The following RARB variants were observed in gnomAD, a reference collection of about 807,000 sequenced individuals.
RARB encodes HBV-activated protein.
In RARB, 17 loss-of-function variants were observed where a neutral mutation model predicts 51.9. That is an observed-to-expected ratio of 0.33 (90% confidence interval 0.22 to 0.49). The LOEUF (loss-of-function observed/expected upper bound fraction) is 0.49. Among genes scored for constraint, RARB ranks in the 20% least tolerant of loss-of-function variants. RARB has a pLI of 0.99. For missense variants in RARB, 369 were observed against 550.8 expected, an observed-to-expected ratio of 0.67 and a Z score of 3.30; for synonymous variants, 215 against 195.4, an observed-to-expected ratio of 1.10 and a Z score of -0.84.
chr3:25,392,545 T>C (rs1484755795), intron 5 of RARB, among the ~76,000 whole-genome samples: 3 of 152,198 alleles, frequency 2.0e-5, no homozygotes, highest in Admixed American at 6.6e-5. Flanking sequence ...TTCCATTTGT[T>C]TGTGTTGTCT....
At chr3:25,323,505 C>T (rs914780487) in intron 5 of RARB, among the ~76,000 whole-genome samples, 4 of 152,132 alleles carry the variant, frequency 2.6e-5, no homozygotes, top group African/African-American at 9.7e-5. Context: ...AGTTTAAATT[C>T]CCAAGGATTT....
Position 25,174,540 on chromosome 3 carries a change from C to G in RARB, c.143C>G (p.Pro48Arg), listed in dbSNP as rs767064867. ...CCCCTCCATGGCCTTCATGGACATC[C>G]GCCTCCGAGTGGATGCAGCACCCCG... is the stretch of plus-strand genomic sequence containing the variant. The change falls in exon 5 of 12, where the codon CCG (proline) becomes CGG (arginine). Residue 48 changes from proline (P) to arginine (R), a missense_variant. Coordinates refer to the RARB transcript ENST00000383772. 3 of 1,351,994 alleles carry G rather than the reference C, an allele frequency of 2.2e-6. No homozygotes were observed. In the African/African-American group the frequency reaches 4.4e-5, roughly 20 times the overall value. 83.7% of individuals were successfully genotyped at this position (1,351,994 alleles called of 1,614,324 possible).
intron 3 of RARB, among the ~76,000 whole-genome samples, chr3:25,066,132 T>G (rs576584044): frequency 6.6e-6 from 1 of 152,316 alleles, no homozygotes; most frequent in African/African-American, 2.4e-5. Context: ...CCCTTTCATT[T>G]TAATGTGAGA....
intron 5 of RARB, among the ~76,000 whole-genome samples, chr3:25,266,728 A>AC (rs1328524531): frequency 5.3e-5 from 8 of 152,200 alleles, no homozygotes; most frequent in African/African-American, 1.9e-4. Flanking sequence ...CTGGAGACTT[A>AC]TCTGATAGAA....
rs9854321 is a variant in RARB at position 24,913,196 on chromosome 3, C to T, written c.-380+54444C>T. ...AGACGGGGTTTCACTGTGTTAGCCA[C>T]GATGGTCTCGATCTCCTGACCTCCT... On this transcript the variant is annotated intron_variant, in intron 2 of 11. Coordinates refer to the RARB transcript ENST00000383772. 2.2e-3 allele frequency among the ~76,000 whole-genome samples: 340 copies of T among 151,304 alleles called. 5 individuals are homozygous for T. The highest frequency in any genetic ancestry group is 1.3e-3 in the Non-Finnish European group (90 of 67,796).
chr3:25,488,154 C>A (rs1409636974), intron 2 of RARB, among the ~76,000 whole-genome samples: 3 of 152,228 alleles, frequency 2.0e-5, no homozygotes, highest in Non-Finnish European at 4.4e-5. Flanking sequence ...TGGTTCAGAT[C>A]TTTGGTGGTT....
chr3:25,069,178 AG>A (rs1320032920), intron 3 of RARB, among the ~76,000 whole-genome samples: 1 of 152,180 alleles, frequency 6.6e-6, no homozygotes, highest in Non-Finnish European at 1.5e-5. Context: ...GAAGAAAGCA[AG>A]CAATTAGGCT....
chr3:25,290,418 T>G (rs1342198158), intron 5 of RARB, among the ~76,000 whole-genome samples: 2 of 152,122 alleles, frequency 1.3e-5, no homozygotes, highest in Non-Finnish European at 2.9e-5. Context: ...GATTTCACAC[T>G]GCTAGCCTCC....
chr3:25,305,094 T>A (rs1374781097), intron 5 of RARB, among the ~76,000 whole-genome samples: 8 of 152,148 alleles, frequency 5.3e-5, no homozygotes, highest in African/African-American at 1.9e-4. Context: ...GAGCCCATCC[T>A]CTACACCACT....
At chr3:25,140,743 T>C (rs766780697) in intron 4 of RARB, among the ~76,000 whole-genome samples, 18 of 152,090 alleles carry the variant, frequency 1.2e-4, no homozygotes, top group Non-Finnish European at 1.8e-4. Flanking sequence ...GAGAAATCTT[T>C]TGAGAAAGGG....
chr3:25,219,949 A>G (rs569079923), intron 5 of RARB, among the ~76,000 whole-genome samples: 29 of 152,362 alleles, frequency 1.9e-4, no homozygotes, highest in Middle Eastern at 3.4e-3. Context: ...TTTTAAAACT[A>G]TTATTACTGT....
chr3:24,912,138 C>T (rs925070368), intron 2 of RARB, among the ~76,000 whole-genome samples: 1 of 152,194 alleles, frequency 6.6e-6, no homozygotes, highest in African/African-American at 2.4e-5. Context: ...CTGCAGATAG[C>T]AGGAGAGTTG....
At chr3:25,073,099 C>G (rs1302807087) in intron 3 of RARB, among the ~76,000 whole-genome samples, 2 of 152,130 alleles carry the variant, frequency 1.3e-5, no homozygotes, top group Non-Finnish European at 2.9e-5. Flanking sequence ...GTAAGACACC[C>G]CAGAACAAGA....
chr3:25,345,664 CAAAAAAAAA>C (rs71061207), intron 5 of RARB, among the ~76,000 whole-genome samples: 45 of 96,498 alleles, frequency 4.7e-4, no homozygotes, highest in South Asian at 1.3e-3. Flanking sequence ...GACTCCGTCT[CAAAAAAAAA>C]AAAAAAAAAA....
At chr3:25,487,232 C>T (rs1696517745) in intron 2 of RARB, among the ~76,000 whole-genome samples, 1 of 152,184 alleles carries the variant, frequency 6.6e-6, no homozygotes, top group South Asian at 2.1e-4. Flanking sequence ...TTTTCGCTTC[C>T]ATGGAAGTGT....
At chr3:25,048,752 C>T (rs1161938395) in intron 2 of RARB, among the ~76,000 whole-genome samples, 12 of 108,398 alleles carry the variant, frequency 1.1e-4, no homozygotes, top group South Asian at 3.0e-4. Flanking sequence ...ATTAAGCCCA[C>T]TTTTTTTTTT....
intron 2 of RARB, among the ~76,000 whole-genome samples, chr3:24,873,473 T>C (rs906226891): frequency 4.7e-4 from 72 of 152,088 alleles, no homozygotes; most frequent in African/African-American, 1.7e-3. Flanking sequence ...TATTCCATTC[T>C]TGTTTCTTAG....
intron 4 of RARB, among the ~76,000 whole-genome samples, chr3:25,165,109 GA>G (rs979208432): frequency 5.9e-5 from 9 of 151,448 alleles, no homozygotes; most frequent in African/African-American, 9.7e-5. Context: ...AAAGAAGAAA[GA>G]AAAAAAATAC....
At chr3:25,588,509 A>G (rs1474461342) in intron 5 of RARB, among the ~76,000 whole-genome samples, 2 of 152,188 alleles carry the variant, frequency 1.3e-5, no homozygotes, top group Non-Finnish European at 1.5e-5. Context: ...TATATTCATT[A>G]TCTATTGCAG....
Sources: allele counts gnomAD v4.1 joint callset (sites outside exome capture counted in the v4.1 genomes callset), GRCh38; gene constraint gnomAD v4.1.1; transcripts MANE v1.5; gene names NCBI Gene and HGNC (gene_info 2026-07-23, HGNC 2026-07-21).